SV2C: variants seen among roughly 807,000 people sequenced by gnomAD.
SV2C encodes the protein synaptic vesicle glycoprotein 2C.
A neutral mutation model predicts 79.7 loss-of-function variants in SV2C; 49 were observed. The ratio of observed to expected loss-of-function variants is 0.61; its 90% CI spans 0.49 to 0.78. The LOEUF is 0.78. SV2C is among the 30% of genes least tolerant of loss of function. The pLI is 0.00. For synonymous variants in SV2C, 334 were observed against 333.2 expected, an observed-to-expected ratio of 1.00 and a Z score of -0.03; for missense variants, 833 against 912.9, an observed-to-expected ratio of 0.91 and a Z score of 1.13.
At chr5:76,260,321 C>T (rs187221815) in intron 4 of SV2C, among the ~76,000 whole-genome samples, 1 of 151,818 alleles carries the variant, frequency 6.6e-6, no homozygotes, top group East Asian at 1.9e-4. Context: ...TGTTTAAGTT[C>T]CTTATAGATT....
chr5:75,853,845 T>A, the SV2C span, among the ~76,000 whole-genome samples: 17 of 151,120 alleles, frequency 1.1e-4, 1 homozygote, highest in South Asian at 1.5e-3. Flanking sequence ...TCTTTAAAAA[T>A]TTTTTTTTAA....
At chr5:75,854,968 A>G in the SV2C span, among the ~76,000 whole-genome samples, 1 of 152,158 alleles carries the variant, frequency 6.6e-6, no homozygotes, top group Admixed American at 6.5e-5. Context: ...TCTTTATTCC[A>G]TTCCACTGAT....
At chr5:76,225,901 C>T (rs1448336667) in intron 4 of SV2C, among the ~76,000 whole-genome samples, 1 of 152,146 alleles carries the variant, frequency 6.6e-6, no homozygotes, top group Non-Finnish European at 1.5e-5. Context: ...CATTGGGCAT[C>T]CGTCTGTGCC....
the SV2C span, among the ~76,000 whole-genome samples, chr5:75,973,364 A>T: frequency 6.6e-6 from 1 of 151,848 alleles, no homozygotes; most frequent in African/African-American, 2.4e-5. Context: ...GTATGGTAGC[A>T]TGTTCCTGTA....
chr5:76,092,912 G>A (rs749880080), intron 1 of SV2C, among the ~76,000 whole-genome samples: 9 of 151,964 alleles, frequency 5.9e-5, no homozygotes, highest in Non-Finnish European at 8.8e-5. Context: ...TGTGGAGTGC[G>A]TCTCATATTA....
chr5:76,225,184 G>T (rs1021199886), intron 4 of SV2C, among the ~76,000 whole-genome samples: 2 of 152,212 alleles, frequency 1.3e-5, no homozygotes, highest in African/African-American at 2.4e-5. Context: ...GCTTGACAGG[G>T]AATCTAATTA....
At chr5:75,936,220 G>A in the SV2C span, among the ~76,000 whole-genome samples, 5 of 152,194 alleles carry the variant, frequency 3.3e-5, no homozygotes, top group Admixed American at 6.5e-5. Context: ...CAGCGCCCAG[G>A]TTCTTTGACA....
the SV2C span, among the ~76,000 whole-genome samples, chr5:75,970,067 A>G: frequency 4.5e-4 from 68 of 152,268 alleles, no homozygotes; most frequent in African/African-American, 1.6e-3. Context: ...CTGCTCCTGA[A>G]TGACTACTGG....
At chr5:75,941,577 A>G in the SV2C span, among the ~76,000 whole-genome samples, 1 of 152,200 alleles carries the variant, frequency 6.6e-6, no homozygotes, top group Non-Finnish European at 1.5e-5. Context: ...TAAGGTAGGT[A>G]TATGGCTGTC....
rs551015873 is a variant in SV2C at position 76,308,850 on chromosome 5, G to A, written c.2000+7305G>A. Among the ~76,000 whole-genome samples, 4 of 152,094 alleles carry A rather than the reference G, an allele frequency of 2.6e-5. No individual in the cohort carries two copies. In the South Asian group the frequency reaches 8.3e-4, roughly 32 times the overall value. Reference sequence around the variant, plus strand: ...AAGTATATCTATTCCATCTCGGTGTGAATTTTAATACTGTTTGTTTATTTA... The same window carrying A: ...AAGTATATCTATTCCATCTCGGTGTAAATTTTAATACTGTTTGTTTATTTA... On this transcript the variant is annotated intron_variant, in intron 12 of 12. Transcript: ENST00000502798.
chr5:75,890,112 A>G, the SV2C span, among the ~76,000 whole-genome samples: 2 of 152,144 alleles, frequency 1.3e-5, no homozygotes, highest in African/African-American at 4.8e-5. Context: ...TTTTCAATGC[A>G]TTATATTTAA....
chr5:76,128,845 C>T (rs1468267310), intron 1 of SV2C, among the ~76,000 whole-genome samples: 1 of 152,254 alleles, frequency 6.6e-6, no homozygotes, highest in East Asian at 1.9e-4. Context: ...CAGCTGCTTG[C>T]GGACCTTCTT....
chr5:76,160,126 T>G (rs1056612073), intron 2 of SV2C, among the ~76,000 whole-genome samples: 4 of 152,160 alleles, frequency 2.6e-5, no homozygotes, highest in Non-Finnish European at 5.9e-5. Context: ...GTGGAAATCC[T>G]TTGCAAATGA....
At chr5:75,883,007 A>T in the SV2C span, among the ~76,000 whole-genome samples, 1 of 148,554 alleles carries the variant, frequency 6.7e-6, no homozygotes, top group Non-Finnish European at 1.5e-5. Context: ...AAAAACAAAC[A>T]ACCCCATCAA....
chr5:76,267,309 T>C (rs2112467017), intron 4 of SV2C, among the ~76,000 whole-genome samples: 1 of 152,282 alleles, frequency 6.6e-6, no homozygotes, highest in African/African-American at 2.4e-5. Flanking sequence ...AAATTTATGG[T>C]TAATGCATAT....
chr5:75,912,249 T>G, the SV2C span, among the ~76,000 whole-genome samples: 4 of 152,324 alleles, frequency 2.6e-5, no homozygotes, highest in African/African-American at 9.6e-5. Flanking sequence ...CAAATCTGTC[T>G]TTGACTTATG....
At position 76,312,099 on chromosome 5, in the gene SV2C, G is replaced by C. The variant is rs541432087; in HGVS notation, c.2000+10554G>C. The stretch of plus-strand genomic sequence containing the variant: ...AAATCTCTCAAAAGTCATAAATGTA[G>C]CTCCCGCGGTGTAGGCCTGTTCCAG... On this transcript the variant is annotated intron_variant, in intron 12 of 12. Transcript: ENST00000502798. Among the ~76,000 whole-genome samples the C allele has an allele frequency of 3.3e-5, 5 of 152,282 alleles. No individual in the cohort carries two copies. The South Asian group carries it at 1.0e-3, about 32-fold the overall frequency.
chr5:75,921,297 G>C, the SV2C span: 1 of 1,467,546 alleles, frequency 6.8e-7, no homozygotes, highest in Admixed American at 1.7e-5. Flanking sequence ...TTGTCAAAAG[G>C]CTCCACGAGC....
chr5:76,197,165 G>A (rs1214245788), intron 3 of SV2C, among the ~76,000 whole-genome samples: 2 of 152,196 alleles, frequency 1.3e-5, no homozygotes, highest in Non-Finnish European at 2.9e-5. Flanking sequence ...TGTTACCTTG[G>A]AGTGTGAAGA....
Sources: gnomAD v4.1 joint callset for allele counts (sites outside exome capture counted in the v4.1 genomes callset) on GRCh38, gnomAD v4.1.1 for gene constraint, MANE v1.5 for transcripts, NCBI Gene and HGNC (gene_info 2026-07-23, HGNC 2026-07-21) for gene names.